Variants in TMEM132C observed in about 807,000 individuals in gnomAD.
TMEM132C encodes the protein protein phosphatase 1, regulatory subunit 152.
A neutral mutation model predicts 61.4 loss-of-function variants in TMEM132C; 29 were observed. That is an observed-to-expected ratio of 0.47 (90% confidence interval 0.35 to 0.64). The LOEUF (loss-of-function observed/expected upper bound fraction) is 0.64. TMEM132C is among the 30% of genes least tolerant of loss of function. The pLI, the probability that TMEM132C is intolerant of heterozygous loss-of-function variation, is 0.00. For missense variants in TMEM132C, 1,408 were observed against 1,476.9 expected, an observed-to-expected ratio of 0.95 and a Z score of 0.76; for synonymous variants, 656 against 633.1, an observed-to-expected ratio of 1.04 and a Z score of -0.54.
intron 1 of TMEM132C, among the ~76,000 whole-genome samples, chr12:128,305,650 A>G (rs1301431640): frequency 6.6e-6 from 1 of 152,184 alleles, no homozygotes. Context: ...GCTCTAATGG[A>G]AGAATTGGCT....
At position 128,271,461 on chromosome 12, in the gene TMEM132C, G is replaced by A. The variant is rs568694064; in HGVS notation, c.85+3974G>A. 1.9e-4 allele frequency among the ~76,000 whole-genome samples: 29 copies of A among 152,140 alleles called. 1 individual carries two copies. In the South Asian group the frequency reaches 6.0e-3, roughly 32 times the overall value. The stretch of plus-strand genomic sequence containing the variant: ...TTTTATTTCTAGTTTGCTAGAAGTT[G>A]CATATAGAATTTTATCAAATGCTCT... On this transcript the variant is annotated intron_variant, in intron 1 of 8. Coordinates refer to ENST00000435159, the MANE Select transcript of TMEM132C (RefSeq NM_001136103.3).
chr12:128,313,243 G>C (rs1398947145), intron 1 of TMEM132C, among the ~76,000 whole-genome samples: 2 of 152,218 alleles, frequency 1.3e-5, no homozygotes, highest in Non-Finnish European at 2.9e-5. Context: ...AATCTCTGCT[G>C]TCTATCTCCT....
At chr12:128,702,845 A>G (rs891078028) in intron 8 of TMEM132C, among the ~76,000 whole-genome samples, 2 of 151,968 alleles carry the variant, frequency 1.3e-5, no homozygotes, top group Non-Finnish European at 1.5e-5. Context: ...GGGTGCTGCT[A>G]CCTCCCTGGG....
chr12:128,599,087 C>G (rs943994062), intron 3 of TMEM132C, among the ~76,000 whole-genome samples: 3 of 152,132 alleles, frequency 2.0e-5, no homozygotes, highest in African/African-American at 7.2e-5. Context: ...GATGGTGTCA[C>G]AGGCAGTGGC....
intron 3 of TMEM132C, among the ~76,000 whole-genome samples, chr12:128,591,076 G>T (rs1405622884): frequency 6.6e-6 from 1 of 152,154 alleles, no homozygotes; most frequent in Non-Finnish European, 1.5e-5. Context: ...AGCCACTGCA[G>T]CCACGCTTTA....
chr12:128,695,493 A>T (rs1420780051), intron 6 of TMEM132C, among the ~76,000 whole-genome samples: 3 of 152,158 alleles, frequency 2.0e-5, no homozygotes, highest in African/African-American at 7.2e-5. Flanking sequence ...ACTGCACTTT[A>T]GCCTGGACAA....
intron 1 of TMEM132C, among the ~76,000 whole-genome samples, chr12:128,373,945 C>A (rs933216715): frequency 6.6e-6 from 1 of 152,188 alleles, no homozygotes; most frequent in Non-Finnish European, 1.5e-5. Context: ...TTCAGTCAGG[C>A]GAGTAGTGGG....
At chr12:128,675,835 TAGA>T (rs1267951589) in intron 5 of TMEM132C, among the ~76,000 whole-genome samples, 2 of 136,596 alleles carry the variant, frequency 1.5e-5, no homozygotes, top group East Asian at 4.3e-4. Context: ...TTTAGATAGA[TAGA>T]AGATAGATAG....
chr12:128,672,678 A>T (rs1386119922), intron 5 of TMEM132C, among the ~76,000 whole-genome samples: 1 of 152,358 alleles, frequency 6.6e-6, no homozygotes, highest in Admixed American at 6.5e-5. Context: ...AGCACAGTCC[A>T]TAGGACCCAG....
Position 128,566,462 on chromosome 12 carries a change from A to G in TMEM132C, c.1121+22359A>G, listed in dbSNP as rs112711370. Among the ~76,000 whole-genome samples, 675 of 152,334 alleles carry G rather than the reference A, an allele frequency of 4.4e-3. 8 individuals are homozygous for G. The highest frequency in any genetic ancestry group is 0.016 in the African/African-American group (646 of 41,574). On this transcript the variant is annotated intron_variant, in intron 3 of 8. Coordinates refer to ENST00000435159, the MANE Select transcript of TMEM132C (RefSeq NM_001136103.3). ...TATTTAAATGTATTGGGTTGGTTCA[A>G]CCATTACCTGAAAATGTGAAACATT... is the stretch of plus-strand genomic sequence containing the variant.
chr12:128,287,562 AT>A (rs1007998025), intron 1 of TMEM132C, among the ~76,000 whole-genome samples: 12 of 151,716 alleles, frequency 7.9e-5, no homozygotes, highest in African/African-American at 2.9e-4. Context: ...ATTTTTCTGA[AT>A]TAATTATTAG....
At chr12:128,371,018 C>T (rs1017331672) in intron 1 of TMEM132C, among the ~76,000 whole-genome samples, 1 of 152,104 alleles carries the variant, frequency 6.6e-6, no homozygotes, top group Non-Finnish European at 1.5e-5. Context: ...GGCTTTCAAT[C>T]CAGGTGCCTG....
chr12:128,336,479 G>A (rs1342572301), intron 1 of TMEM132C, among the ~76,000 whole-genome samples: 2 of 152,156 alleles, frequency 1.3e-5, no homozygotes, highest in Non-Finnish European at 2.9e-5. Flanking sequence ...TTTAAGCCAA[G>A]TTACTATTTC....
intron 1 of TMEM132C, among the ~76,000 whole-genome samples, chr12:128,370,523 C>G (rs556657448): frequency 6.6e-6 from 1 of 151,772 alleles, no homozygotes; most frequent in East Asian, 2.0e-4. Flanking sequence ...TTCTAGAGCC[C>G]AGTGAGAGTG....
intron 1 of TMEM132C, among the ~76,000 whole-genome samples, chr12:128,312,251 A>G (rs1871993559): frequency 6.6e-6 from 1 of 152,174 alleles, no homozygotes; most frequent in African/African-American, 2.4e-5. Flanking sequence ...TTATGATGAA[A>G]TCATACTGGA....
chr12:128,379,256 A>T (rs1315029523), intron 1 of TMEM132C, among the ~76,000 whole-genome samples: 1 of 152,202 alleles, frequency 6.6e-6, no homozygotes, highest in Non-Finnish European at 1.5e-5. Context: ...GTTGTTGGTG[A>T]GAAAAAGATA....
At position 128,695,970 on chromosome 12, in the gene TMEM132C, T is replaced by C. The variant is rs1310856722; in HGVS notation, c.1796T>C (p.Leu599Pro). The change falls in exon 7 of 9, where the codon CTG becomes CCG. Residue 599 changes from leucine to proline, a missense_variant. Transcript: ENST00000435159. The part of the protein sequence containing the change: ...GAGPWGQPNY[L>P]LSPNWQFDIT... ...GGTCCATGGGGCCAGCCGAACTACC[T>C]GCTTAGTCCTAACTGGCAGTTCGAC... The C allele has an allele frequency of 2.6e-6, 4 of 1,551,678 alleles. No homozygotes were observed. Among genetic ancestry groups the C allele is most frequent in the Non-Finnish European group, 3.5e-6 (4 of 1,147,018 alleles).
intron 1 of TMEM132C, among the ~76,000 whole-genome samples, chr12:128,360,497 A>G (rs942693759): frequency 6.6e-6 from 1 of 152,146 alleles, no homozygotes; most frequent in Non-Finnish European, 1.5e-5. Flanking sequence ...TTGAACATAA[A>G]TGTCCCCTCG....
intron 2 of TMEM132C, among the ~76,000 whole-genome samples, chr12:128,490,093 G>A (rs1871663160): frequency 6.6e-6 from 1 of 152,162 alleles, no homozygotes; most frequent in South Asian, 2.1e-4. Context: ...AAGTATGGAT[G>A]AATAAGCATG....
Sources: gnomAD v4.1 joint callset for allele counts (sites outside exome capture counted in the v4.1 genomes callset) on GRCh38, gnomAD v4.1.1 for gene constraint, MANE v1.5 for transcripts, NCBI Gene and HGNC (gene_info 2026-07-23, HGNC 2026-07-21) for gene names.